The following MKRN2 variants were observed in gnomAD, a reference collection of about 807,000 sequenced individuals.
The protein encoded by MKRN2 is makorin ring finger protein 2.
In MKRN2, 32 loss-of-function variants were observed where a neutral mutation model predicts 45.4. The ratio of observed to expected loss-of-function variants is 0.70; its 90% CI spans 0.53 to 0.95. The LOEUF (loss-of-function observed/expected upper bound fraction) is 0.95, where lower values mean the gene tolerates loss of function less well. Among genes scored for constraint, MKRN2 ranks in the 40% least tolerant of loss-of-function variants. The pLI is 0.00. For missense variants in MKRN2, 526 were observed against 536.7 expected, an observed-to-expected ratio of 0.98 and a Z score of 0.20; for synonymous variants, 206 against 192.4, an observed-to-expected ratio of 1.07 and a Z score of -0.59.
chr3:12,581,416 G>A (rs530681458), intron 6 of MKRN2, among the ~76,000 whole-genome samples: 27 of 152,276 alleles, frequency 1.8e-4, no homozygotes, highest in Admixed American at 3.3e-4. Flanking sequence ...AGGGAACTTT[G>A]AGCAGAGACA....
chr3:12,570,328 C>T, intron 3 of MKRN2, 76 bp downstream of exon 3: 1 of 1,453,782 alleles, frequency 6.9e-7, no homozygotes, highest in Non-Finnish European at 9.4e-7. Context: ...TTTCTAGCCT[C>T]CTCTTGTCAA....
chr3:12,564,063 G>A (rs1042006766), intron 1 of MKRN2, among the ~76,000 whole-genome samples: 35 of 151,016 alleles, frequency 2.3e-4, no homozygotes, highest in African/African-American at 7.1e-4. Flanking sequence ...CTCCTGCCTC[G>A]GCCCCCAAAG....
intron 1 of MKRN2, among the ~76,000 whole-genome samples, chr3:12,566,888 C>T (rs982883110): frequency 6.6e-6 from 1 of 152,254 alleles, no homozygotes; most frequent in Non-Finnish European, 1.5e-5. Flanking sequence ...TAGGCGTGAG[C>T]CACCACACCT....
intron 4 of MKRN2, among the ~76,000 whole-genome samples, chr3:12,574,518 T>G (rs2058119039): frequency 1.3e-5 from 2 of 152,200 alleles, no homozygotes; most frequent in Admixed American, 6.5e-5. Flanking sequence ...TTTAACCTTT[T>G]TGGATCTCCG....
intron 1 of MKRN2, among the ~76,000 whole-genome samples, chr3:12,560,478 TA>T (rs10651248): frequency 0.036 from 4,531 of 124,938 alleles, 215 homozygotes; most frequent in African/African-American, 0.11. Context: ...TAGGAAAATG[TA>T]AAAAAAAAAA....
Position 12,576,679 on chromosome 3 carries a change from G to A in MKRN2, c.906G>A (p.Val302=). The change falls in exon 6 of 8, where the codon GTG becomes GTA. Residue 302 remains valine, a synonymous_variant. Transcript: ENST00000170447. ...RVISEFVIPS[V]YWVEDQNKKN... ...TATCAGAGTTTGTAATTCCAAGTGT[G>A]TATTGGGTGGAAGATCAGAATAAAA... 6.2e-7 allele frequency: 1 copy of A among 1,610,320 alleles called. No individual in the cohort carries two copies.
chr3:12,583,609 AAATTT>A lies in MKRN2; in HGVS notation c.*1363_*1367del, dbSNP rs752543784. The stretch of plus-strand genomic sequence containing the variant: ...GAGGTAACAGCCAGCCATTACACCT[AAATTT>A]AATTTATTTTATTAAAATAACATAA... On this transcript the variant is annotated 3_prime_UTR_variant, in exon 8 of 8. Transcript: ENST00000170447. 8 of 231,172 alleles carry A rather than the reference AAATTT, an allele frequency of 3.5e-5. No homozygotes were observed. The highest frequency in any genetic ancestry group is 8.8e-5 in the African/African-American group (4 of 45,230). The allele number at this position is 231,172 out of a possible 1,614,324, so 14.3% of individuals were successfully genotyped here.
intron 4 of MKRN2, among the ~76,000 whole-genome samples, chr3:12,573,796 G>A (rs1288573570): frequency 1.3e-5 from 2 of 152,038 alleles, no homozygotes; most frequent in African/African-American, 2.4e-5. Context: ...GGGAGGCTGA[G>A]GCAGGAGAAT....
rs10651248 is a variant in MKRN2, at chr3:12,560,478, T to TAAAA, written c.26+3318_26+3321dup. 1.3e-3 allele frequency among the ~76,000 whole-genome samples: 168 copies of TAAAA among 124,950 alleles called. 2 individuals are homozygous for TAAAA. In the Middle Eastern group the frequency reaches 0.018, roughly 14 times the overall value. 82.0% of individuals were successfully genotyped at this position (124,950 alleles called of 152,430 possible). A position where few individuals can be genotyped will look rare whatever the true frequency, so the allele number is the denominator to read the frequency against. ...GCCTGTGAAAATATGTAGGAAAATG[T>TAAAA]AAAAAAAAAAAAAAAAAAAGACACT... On this transcript the variant is annotated intron_variant, in intron 1 of 7. Coordinates refer to ENST00000170447, the MANE Select transcript of MKRN2 (RefSeq NM_014160.5).
chr3:12,579,874 G>T (rs1236802859), intron 6 of MKRN2, among the ~76,000 whole-genome samples: 1 of 152,146 alleles, frequency 6.6e-6, no homozygotes, highest in Non-Finnish European at 1.5e-5. Context: ...GCTGAGGAGG[G>T]CAGATTGCTT....
Position 12,561,381 on chromosome 3 carries a change from G to A in MKRN2, c.26+4205G>A, listed in dbSNP as rs113922806. Among the ~76,000 whole-genome samples the A allele has an allele frequency of 8.9e-3, 1,353 of 152,346 alleles. 20 individuals carry two copies. Among genetic ancestry groups the A allele is most frequent in the African/African-American group, 0.031 (1,295 of 41,588 alleles). On this transcript the variant is annotated intron_variant, in intron 1 of 7. Coordinates refer to ENST00000170447, the MANE Select transcript of MKRN2 (RefSeq NM_014160.5). Reference sequence around the variant, plus strand: ...TTGCAGGAGACCACTACCTAAAAAAGTCTTTCTTCTTGTCTGCCTTGTTAA... The same window carrying A: ...TTGCAGGAGACCACTACCTAAAAAAATCTTTCTTCTTGTCTGCCTTGTTAA...
At chr3:12,568,329 C>G (rs925545004) in intron 1 of MKRN2, among the ~76,000 whole-genome samples, 1 of 152,180 alleles carries the variant, frequency 6.6e-6, no homozygotes, top group East Asian at 1.9e-4. Context: ...GATGTAACTC[C>G]ATCATTAGTC....
At chr3:12,562,301 G>T (rs1247300175) in intron 1 of MKRN2, among the ~76,000 whole-genome samples, 3 of 152,154 alleles carry the variant, frequency 2.0e-5, no homozygotes, top group Non-Finnish European at 4.4e-5. Flanking sequence ...GGAAAATTTT[G>T]TATCTGTGTA....
intron 2 of MKRN2, 37 bp from the exon 3 acceptor site, chr3:12,570,034 G>T: frequency 6.5e-7 from 1 of 1,540,832 alleles, no homozygotes; most frequent in Non-Finnish European, 8.8e-7. Flanking sequence ...TGTGTGGGTG[G>T]CATGTCTGTA....
In MKRN2 at chr3:12,570,068, T is replaced by C; in HGVS notation, c.156-3T>C. The C allele has an allele frequency of 1.9e-6, 3 of 1,603,146 alleles. No individual in the cohort carries two copies. Among genetic ancestry groups the C allele is most frequent in the Non-Finnish European group, 2.6e-6 (3 of 1,175,646 alleles). ...TAATGCATCTGCTGTGTGTTTTGTT[T>C]AGATATGACCACACGAGGCCCTCTG... On this transcript the variant is annotated splice_region_variant and splice_polypyrimidine_tract_variant and intron_variant, in intron 2 of 7. Coordinates refer to ENST00000170447, the MANE Select transcript of MKRN2 (RefSeq NM_014160.5).
In MKRN2 at chr3:12,582,218, A is replaced by T. The variant is rs1190348806; in HGVS notation, c.1216A>T (p.Met406Leu). 6.2e-7 allele frequency: 1 copy of T among 1,614,120 alleles called. No individual in the cohort carries two copies. The highest frequency in any genetic ancestry group is 8.5e-7 in the Non-Finnish European group (1 of 1,180,018). The change falls in exon 8 of 8, where the codon ATG (methionine) becomes TTG (leucine). Residue 406 changes from methionine to leucine, a missense_variant. Physicochemically the swap from Met to Leu is conservative, Grantham distance 15. Transcript: ENST00000170447. ...VDMTELGDLF[M>L]HLSGVESSEP ...CATGACAGAGCTCGGGGACCTCTTC[A>T]TGCACCTTTCTGGAGTGGAATCATC...
At chr3:12,578,858 A>ATTTTTTTTTTTTTTTTTTTT (rs374121518) in intron 6 of MKRN2, among the ~76,000 whole-genome samples, 2 of 125,230 alleles carry the variant, frequency 1.6e-5, no homozygotes. Flanking sequence ...CTAAAGCTTG[A>ATTTTTTTTTTTTTTTTTTTT]TTTTTTTTTT....
At position 12,575,062 on chromosome 3, in the gene MKRN2, C is replaced by T. The variant is rs2058123115; in HGVS notation, c.857+56C>T. The T allele has an allele frequency of 9.8e-6, 15 of 1,524,132 alleles. No homozygotes were observed. The South Asian group carries it at 1.6e-4, about 16-fold the overall frequency. 94.4% of individuals were successfully genotyped at this position (1,524,132 alleles called of 1,614,324 possible). A position where few individuals can be genotyped will look rare whatever the true frequency, so the allele number is the denominator to read the frequency against. The stretch of plus-strand genomic sequence containing the variant: ...AGCTAGGAGAATGTTTGATTTGAGA[C>T]TTTATTCCGTCCACTTTTAAGCCCT... On this transcript the variant is annotated intron_variant, in intron 5 of 7. Coordinates refer to ENST00000170447, the MANE Select transcript of MKRN2 (RefSeq NM_014160.5).
rs1398449350 is a variant in MKRN2 at position 12,583,659 on chromosome 3, CTG to C, written c.*1408_*1409del. 1 of 233,214 alleles carries C rather than the reference CTG, an allele frequency of 4.3e-6. No homozygotes were observed. Among genetic ancestry groups the C allele is most frequent in the Non-Finnish European group, 8.5e-6 (1 of 117,956 alleles). 14.4% of individuals were successfully genotyped at this position (233,214 alleles called of 1,614,324 possible). On this transcript the variant is annotated 3_prime_UTR_variant, in exon 8 of 8. Coordinates refer to ENST00000170447, the MANE Select transcript of MKRN2 (RefSeq NM_014160.5). ...ACATAATTGAGGGACCATCAGATAACTGTATTTTGTCAGGTGCAATAAAAACA... is the reference window on the plus strand; with the variant it reads ...ACATAATTGAGGGACCATCAGATAACTATTTTGTCAGGTGCAATAAAAACA...
Sources: allele counts gnomAD v4.1 joint callset (sites outside exome capture counted in the v4.1 genomes callset), GRCh38; gene constraint gnomAD v4.1.1; transcripts MANE v1.5; gene names NCBI Gene and HGNC (gene_info 2026-07-23, HGNC 2026-07-21).